The following SLCO4C1 variants were observed in gnomAD, a reference collection of about 807,000 sequenced individuals.
SLCO4C1 encodes the protein organic anion transporter M1.
SLCO4C1 carries 58 observed loss-of-function variants against 72.1 expected under a neutral mutation model. The observed-to-expected ratio is 0.80, with a 90% CI of 0.65 to 1.00. SLCO4C1 has a LOEUF of 1.00. Among genes scored for constraint, SLCO4C1 ranks in the 50% least tolerant of loss-of-function variants. The pLI is 0.00. For missense variants in SLCO4C1, 898 were observed against 857.9 expected (o/e 1.05, Z -0.58); for synonymous variants, 297 against 312.5 (o/e 0.95, Z 0.52).
At position 102,236,581 on chromosome 5, in the gene SLCO4C1, CGTGTGTGTGT is replaced by C; in HGVS notation, c.*267_*276del. 3 of 261,646 alleles carry C rather than the reference CGTGTGTGTGT, an allele frequency of 1.1e-5. No individual in the cohort carries two copies. The highest frequency in any genetic ancestry group is 1.1e-4 in the East Asian group (1 of 8,826). The allele number at this position is 261,646 out of a possible 1,614,324, so 16.2% of individuals were successfully genotyped here. ...AATAGGAAATAAGTGTGTATGTGTG[CGTGTGTGTGT>C]GTGTGTGTGTGTTCGTGTGTGTGTG... On this transcript the variant is annotated 3_prime_UTR_variant, in exon 13 of 13. Transcript: ENST00000310954.
intron 1 of SLCO4C1, among the ~76,000 whole-genome samples, chr5:102,294,131 ACTC>A (rs1467637149): frequency 6.6e-6 from 1 of 150,864 alleles, no homozygotes; most frequent in Non-Finnish European, 1.5e-5. Context: ...CTGGTCTCGA[ACTC>A]CTGACCTCAG....
intron 2 of SLCO4C1, among the ~76,000 whole-genome samples, chr5:102,274,101 T>C (rs1749202413): frequency 6.6e-6 from 1 of 152,174 alleles, no homozygotes. Context: ...TTAAAGTTTA[T>C]AGGAGGATGT....
chr5:102,266,907 CTGTT>C (rs1391611963), intron 3 of SLCO4C1, among the ~76,000 whole-genome samples: 1 of 152,062 alleles, frequency 6.6e-6, no homozygotes, highest in Non-Finnish European at 1.5e-5. Context: ...GTCCTTCATT[CTGTT>C]TATGTGATGT....
At chr5:102,256,995 G>T in intron 8 of SLCO4C1, 120 bp downstream of exon 8, 1 of 701,606 alleles carries the variant, frequency 1.4e-6, no homozygotes, top group Non-Finnish European at 2.1e-6. Flanking sequence ...TCTTACATAG[G>T]AAAAAAGGTC....
At chr5:102,289,994 T>C (rs1369189612) in intron 2 of SLCO4C1, among the ~76,000 whole-genome samples, 1 of 152,208 alleles carries the variant, frequency 6.6e-6, no homozygotes, top group Non-Finnish European at 1.5e-5. Context: ...TACTTTAATA[T>C]TGTCTTAGTC....
chr5:102,280,452 T>G (rs1448084676), intron 2 of SLCO4C1, among the ~76,000 whole-genome samples: 1 of 151,644 alleles, frequency 6.6e-6, no homozygotes, highest in Non-Finnish European at 1.5e-5. Flanking sequence ...ATGAAAAAAA[T>G]TAAAGAAAAT....
At chr5:102,294,935 TG>T (rs1337098516) in intron 1 of SLCO4C1, among the ~76,000 whole-genome samples, 1 of 152,212 alleles carries the variant, frequency 6.6e-6, no homozygotes, top group Non-Finnish European at 1.5e-5. Context: ...AATCCTTGAC[TG>T]ATTATACAGA....
chr5:102,257,000 A>G, intron 8 of SLCO4C1, 115 bp downstream of exon 8: 1 of 739,750 alleles, frequency 1.4e-6, no homozygotes, highest in African/African-American at 1.9e-5. Flanking sequence ...CATAGGAAAA[A>G]AGGTCTTCCA....
chr5:102,274,000 C>T (rs1196670726), intron 2 of SLCO4C1, among the ~76,000 whole-genome samples: 2 of 151,968 alleles, frequency 1.3e-5, no homozygotes, highest in African/African-American at 4.8e-5. Context: ...AATAACAATA[C>T]ACCAATAAAA....
At chr5:102,291,943 T>C (rs1749564711) in intron 1 of SLCO4C1, among the ~76,000 whole-genome samples, 1 of 152,106 alleles carries the variant, frequency 6.6e-6, no homozygotes, top group African/African-American at 2.4e-5. Flanking sequence ...TGCCTCAGGC[T>C]CTGGAGTAGA....
chr5:102,265,288 T>C (rs1378252809), intron 3 of SLCO4C1, among the ~76,000 whole-genome samples: 1 of 152,170 alleles, frequency 6.6e-6, no homozygotes, highest in Non-Finnish European at 1.5e-5. Flanking sequence ...ATCTGATGAT[T>C]GTTTCGTGTG....
rs532612554 is a variant in SLCO4C1, at chr5:102,260,136, T to C, written c.1128+77A>G. On this transcript the variant is annotated intron_variant, in intron 6 of 12. Coordinates refer to ENST00000310954, the MANE Select transcript of SLCO4C1 (RefSeq NM_180991.5). The stretch of plus-strand genomic sequence containing the variant: ...TAATATATAAACACATCTACACATA[T>C]GTACATGTGAGGTGTGTGTGTGTAT... The C allele has an allele frequency of 1.4e-4, 45 of 328,192 alleles. No homozygotes were observed. The South Asian group carries it at 3.6e-3, about 26-fold the overall frequency. 20.3% of individuals were successfully genotyped at this position (328,192 alleles called of 1,614,324 possible).
In SLCO4C1 at chr5:102,257,311, C is replaced by G; in HGVS notation, c.1274-1G>C. ...GCAGCTCCAGGAATTAAAACAGCCCCTAATAAGAAAAAAGAATGTAGATTG... is the reference window on the plus strand; with the variant it reads ...GCAGCTCCAGGAATTAAAACAGCCCGTAATAAGAAAAAAGAATGTAGATTG... On this transcript the variant is annotated splice_acceptor_variant, in intron 7 of 12. Transcript: ENST00000310954. LOFTEE classifies it high-confidence loss of function. The G allele has an allele frequency of 6.3e-7, 1 of 1,577,904 alleles. No homozygotes were observed.
rs1748397541 is a variant in SLCO4C1, at chr5:102,234,476, A to T, written c.*2382T>A. 6.6e-6 allele frequency: 1 copy of T among 152,650 alleles called. No individual in the cohort carries two copies. Among genetic ancestry groups the T allele is most frequent in the Non-Finnish European group, 1.5e-5 (1 of 68,032 alleles). The allele number at this position is 152,650 out of a possible 1,614,324, so 9.5% of individuals were successfully genotyped here. On this transcript the variant is annotated 3_prime_UTR_variant, in exon 13 of 13. Coordinates refer to ENST00000310954, the MANE Select transcript of SLCO4C1 (RefSeq NM_180991.5). ...AATTATTTTCAGTCTAACCATTTTC[A>T]TTAAAGCGCTTATTTAAAAAGTATC...
intron 5 of SLCO4C1, among the ~76,000 whole-genome samples, chr5:102,260,694 A>G (rs1242406283): frequency 2.0e-5 from 3 of 151,934 alleles, no homozygotes; most frequent in Non-Finnish European, 2.9e-5. Context: ...CTTCCTTTCA[A>G]ATGGTTCTCT....
At chr5:102,282,524 G>C (rs765553327) in intron 2 of SLCO4C1, among the ~76,000 whole-genome samples, 3 of 151,704 alleles carry the variant, frequency 2.0e-5, no homozygotes, top group Non-Finnish European at 4.4e-5. Context: ...AACAAAGGAG[G>C]GTTGGTTAAA....
intron 10 of SLCO4C1, among the ~76,000 whole-genome samples, chr5:102,243,320 T>C (rs1056409912): frequency 6.6e-6 from 1 of 152,178 alleles, no homozygotes; most frequent in Admixed American, 6.5e-5. Context: ...TCCCACTTGC[T>C]GATTGTAGGG....
chr5:102,292,081 TC>T (rs1218559205), intron 1 of SLCO4C1, among the ~76,000 whole-genome samples: 3 of 152,252 alleles, frequency 2.0e-5, no homozygotes, highest in Admixed American at 2.0e-4. Context: ...CGCCTCGGAC[TC>T]CCAAAGTGCT....
intron 3 of SLCO4C1, among the ~76,000 whole-genome samples, chr5:102,265,680 G>T (rs976739579): frequency 1.3e-5 from 2 of 152,068 alleles, no homozygotes; most frequent in South Asian, 4.1e-4. Context: ...TGTCTGTTTT[G>T]ATACCAACAC....
Sources: gnomAD v4.1 joint callset for allele counts (sites outside exome capture counted in the v4.1 genomes callset) on GRCh38, gnomAD v4.1.1 for gene constraint, MANE v1.5 for transcripts, NCBI Gene and HGNC (gene_info 2026-07-23, HGNC 2026-07-21) for gene names.